The following ATP2B2 variants were observed in gnomAD, a reference collection of about 807,000 sequenced individuals.
The protein encoded by ATP2B2 is plasma membrane calcium-transporting ATPase 2.
A neutral mutation model predicts 120.0 loss-of-function variants in ATP2B2; 15 were observed. The observed-to-expected ratio is 0.12, with a 90% CI of 0.08 to 0.19. The LOEUF is 0.19. ATP2B2 is among the 10% of genes least tolerant of loss of function. The probability of loss-of-function intolerance (pLI) is 1.00; values close to 1 mark genes in which losing one functional copy is unlikely to be tolerated. For synonymous variants in ATP2B2, 694 were observed against 700.3 expected (o/e 0.99, Z 0.14); for missense variants, 1,045 against 1,719.8 (o/e 0.61, Z 6.94).
At chr3:10,407,977 G>C (rs532800733) in intron 3 of ATP2B2, among the ~76,000 whole-genome samples, 1 of 152,178 alleles carries the variant, frequency 6.6e-6, no homozygotes, top group Non-Finnish European at 1.5e-5. Flanking sequence ...CCTGTGCCTA[G>C]GCTCTGATCA....
intron 1 of ATP2B2, among the ~76,000 whole-genome samples, chr3:10,692,096 G>A (rs1398260159): frequency 3.3e-5 from 5 of 152,336 alleles, no homozygotes; most frequent in Non-Finnish European, 7.3e-5. Context: ...GAGAGAGAGA[G>A]AGAATTGATT....
intron 3 of ATP2B2, among the ~76,000 whole-genome samples, chr3:10,521,694 G>A (rs1389892538): frequency 6.6e-6 from 1 of 152,218 alleles, no homozygotes; most frequent in African/African-American, 2.4e-5. Flanking sequence ...CTGAGATGTA[G>A]AGACAAGTTG....
At chr3:10,364,970 G>A (rs1314251213) in intron 12 of ATP2B2, among the ~76,000 whole-genome samples, 1 of 152,184 alleles carries the variant, frequency 6.6e-6, no homozygotes, top group East Asian at 1.9e-4. Context: ...TGCCTTCTCT[G>A]CGCTCACCAC....
chr3:10,634,833 A>C (rs555793465), intron 1 of ATP2B2, among the ~76,000 whole-genome samples: 1 of 152,300 alleles, frequency 6.6e-6, no homozygotes, highest in East Asian at 1.9e-4. Context: ...CACCATTAGC[A>C]TGCGTGTCCT....
chr3:10,363,880 A>C (rs1328483426), intron 12 of ATP2B2, among the ~76,000 whole-genome samples: 2 of 152,226 alleles, frequency 1.3e-5, no homozygotes, highest in African/African-American at 4.8e-5. Flanking sequence ...ATTCTGGGGA[A>C]TATGCCCCAA....
chr3:10,395,198 C>G (rs1446596089), intron 5 of ATP2B2, among the ~76,000 whole-genome samples: 2 of 152,138 alleles, frequency 1.3e-5, no homozygotes, highest in African/African-American at 2.4e-5. Context: ...AAGTTCATGA[C>G]CTAGGAGGGT....
intron 12 of ATP2B2, among the ~76,000 whole-genome samples, chr3:10,364,626 A>G (rs934178175): frequency 6.6e-6 from 1 of 152,044 alleles, no homozygotes; most frequent in Non-Finnish European, 1.5e-5. Context: ...CAGGAGAATC[A>G]CACAAACCCG....
intron 1 of ATP2B2, among the ~76,000 whole-genome samples, chr3:10,680,281 TCA>T (rs2071350896): frequency 6.6e-6 from 1 of 152,130 alleles, no homozygotes; most frequent in Admixed American, 6.5e-5. Context: ...TGGGCTGGTC[TCA>T]GTTTCCTCCT....
At chr3:10,645,973 T>A (rs879319071) in intron 1 of ATP2B2, among the ~76,000 whole-genome samples, 13 of 152,182 alleles carry the variant, frequency 8.5e-5, no homozygotes, top group Non-Finnish European at 1.8e-4. Flanking sequence ...TGATCCTGGG[T>A]GGGACCCCCG....
intron 1 of ATP2B2, among the ~76,000 whole-genome samples, chr3:10,692,335 A>C (rs1281166114): frequency 6.6e-6 from 1 of 152,158 alleles, no homozygotes; most frequent in Non-Finnish European, 1.5e-5. Flanking sequence ...TCATTCATTA[A>C]TTTCTGCTTT....
intron 1 of ATP2B2, among the ~76,000 whole-genome samples, chr3:10,704,895 A>G (rs899349281): frequency 2.6e-5 from 4 of 152,206 alleles, no homozygotes; most frequent in Non-Finnish European, 4.4e-5. Flanking sequence ...ATGCAATTTA[A>G]CACAAAGAAA....
At chr3:10,596,936 C>T (rs114833047) in intron 2 of ATP2B2, among the ~76,000 whole-genome samples, 1,615 of 152,324 alleles carry the variant, frequency 0.011, 28 homozygotes, top group African/African-American at 0.037. Context: ...AACCAGGGCA[C>T]GTGGCACACC....
intron 1 of ATP2B2, among the ~76,000 whole-genome samples, chr3:10,649,940 T>C (rs1439121094): frequency 6.6e-6 from 1 of 152,212 alleles, no homozygotes; most frequent in Non-Finnish European, 1.5e-5. Flanking sequence ...GTAAGTCCAA[T>C]GGACGTCTTT....
chr3:10,490,303 C>G (rs2065885339), intron 1 of ATP2B2, among the ~76,000 whole-genome samples: 2 of 152,216 alleles, frequency 1.3e-5, no homozygotes, highest in South Asian at 4.1e-4. Flanking sequence ...CCTCAATTTC[C>G]TCATCTGTAA....
In ATP2B2 at chr3:10,673,806, C is replaced by CAAAAAAA. The variant is rs549651187; in HGVS notation, c.-460+34102_-460+34108dup. Among the ~76,000 whole-genome samples, 256 of 73,764 alleles carry CAAAAAAA rather than the reference C, an allele frequency of 3.5e-3. 5 individuals are homozygous for CAAAAAAA. Among genetic ancestry groups the CAAAAAAA allele is most frequent in the African/African-American group, 0.013 (237 of 17,808 alleles). The allele number at this position is 73,764 out of a possible 152,430, so 48.4% of individuals were successfully genotyped here. A position where few individuals can be genotyped will look rare whatever the true frequency, so the allele number is the denominator to read the frequency against. On this transcript the variant is annotated intron_variant, in intron 1 of 21. Coordinates refer to the ATP2B2 transcript ENST00000646379. ...TGGGTGACAGGGTGAGACCCTGTTT[C>CAAAAAAA]AAAAAAAAAAAAAAAAAAAAAAGAA...
Position 10,371,845 on chromosome 3 carries a change from G to A in ATP2B2, c.1623C>T (p.Ala541=), listed in dbSNP as rs2125505056. 3.1e-6 allele frequency: 5 copies of A among 1,614,156 alleles called. No individual in the cohort carries two copies. Among genetic ancestry groups the A allele is most frequent in the Non-Finnish European group, 4.2e-6 (5 of 1,180,034 alleles). Residue 541 remains alanine, a synonymous_variant, in exon 12 of 23, where the codon GCC becomes GCT. Transcript: ENST00000360273. The part of the protein sequence containing the change: ...NTKTMELLIN[A]IAINSAYTTK... ...TGGTGTAGGCGCTGTTGATGGCGAT[G>A]GCATTGATCAGCAGCTCCATGGTCT... is the stretch of plus-strand genomic sequence containing the variant.
At chr3:10,474,332 C>T (rs1276830470) in intron 1 of ATP2B2, among the ~76,000 whole-genome samples, 1 of 152,048 alleles carries the variant, frequency 6.6e-6, no homozygotes, top group Non-Finnish European at 1.5e-5. Context: ...GTAGAGATGC[C>T]AAGTGGGCAG....
chr3:10,398,983 G>C (rs1350509154), intron 5 of ATP2B2, among the ~76,000 whole-genome samples: 1 of 152,072 alleles, frequency 6.6e-6, no homozygotes, highest in Admixed American at 6.5e-5. Context: ...TCTTTTCCAG[G>C]GTCTCTCTGC....
At chr3:10,696,636 G>C (rs1439627832) in intron 1 of ATP2B2, among the ~76,000 whole-genome samples, 1 of 152,202 alleles carries the variant, frequency 6.6e-6, no homozygotes, top group Non-Finnish European at 1.5e-5. Flanking sequence ...AACAAAGGCA[G>C]CCCTGACACC....
Sources: allele counts gnomAD v4.1 joint callset (sites outside exome capture counted in the v4.1 genomes callset), GRCh38; gene constraint gnomAD v4.1.1; transcripts MANE v1.5; gene names NCBI Gene and HGNC (gene_info 2026-07-23, HGNC 2026-07-21).